Variants in CADM2 observed in about 807,000 individuals in gnomAD.
The protein encoded by CADM2 is cell adhesion molecule 2, also known as immunoglobulin superfamily member 4D.
Under a neutral mutation model 49.8 loss-of-function variants are expected in CADM2, and 12 were observed. The observed-to-expected ratio is 0.24, with a 90% CI of 0.15 to 0.39. The LOEUF (loss-of-function observed/expected upper bound fraction) is 0.39. Ranked by LOEUF, CADM2 falls within the 10% of genes least tolerant of loss-of-function variation. The pLI is 1.00. For synonymous variants in CADM2, 214 were observed against 175.4 expected, an observed-to-expected ratio of 1.22 and a Z score of -1.74; for missense variants, 378 against 492.3, an observed-to-expected ratio of 0.77 and a Z score of 2.20.
chr3:85,678,871 G>A (rs1042978345), intron 1 of CADM2, among the ~76,000 whole-genome samples: 15 of 152,078 alleles, frequency 9.9e-5, no homozygotes, highest in Non-Finnish European at 1.2e-4. Flanking sequence ...GGAGACATCT[G>A]AGGTGGGTGG....
intron 5 of CADM2, among the ~76,000 whole-genome samples, chr3:85,910,256 G>T (rs75180577): frequency 6.6e-6 from 1 of 152,018 alleles, no homozygotes; most frequent in South Asian, 2.1e-4. Context: ...TATAAAAATT[G>T]TTTGTCAAGA....
chr3:85,671,874 C>CTTATATA (rs2065746553), intron 1 of CADM2, among the ~76,000 whole-genome samples: 1 of 152,018 alleles, frequency 6.6e-6, no homozygotes. Context: ...TTTCATAGGC[C>CTTATATA]TTAACACTAA....
At chr3:85,777,197 T>G (rs2070398809) in intron 2 of CADM2, among the ~76,000 whole-genome samples, 1 of 151,644 alleles carries the variant, frequency 6.6e-6, no homozygotes, top group Admixed American at 6.6e-5. Context: ...CTCATGGTAT[T>G]CTAATATATC....
At chr3:85,260,233 A>G (rs1281623471) in intron 1 of CADM2, among the ~76,000 whole-genome samples, 1 of 152,046 alleles carries the variant, frequency 6.6e-6, no homozygotes, top group East Asian at 1.9e-4. Context: ...ATTAATTTGT[A>G]TATAATAATA....
intron 8 of CADM2, among the ~76,000 whole-genome samples, chr3:86,053,667 T>C (rs894471794): frequency 3.9e-5 from 6 of 152,106 alleles, no homozygotes; most frequent in African/African-American, 1.4e-4. Context: ...AATTCTCTTA[T>C]GCTGGTCTAA....
At chr3:85,531,800 C>A (rs2061317899) in intron 1 of CADM2, among the ~76,000 whole-genome samples, 1 of 152,148 alleles carries the variant, frequency 6.6e-6, no homozygotes, top group Non-Finnish European at 1.5e-5. Context: ...AATTGGCTTT[C>A]TTCATAAATC....
intron 3 of CADM2, among the ~76,000 whole-genome samples, chr3:85,874,745 C>T (rs1294968080): frequency 1.3e-5 from 2 of 151,972 alleles, no homozygotes; most frequent in East Asian, 3.9e-4. Flanking sequence ...ATGTGACAAA[C>T]ACCTAGGGAA....
At chr3:86,065,191 T>A (rs1345709291) in intron 8 of CADM2, among the ~76,000 whole-genome samples, 5 of 152,214 alleles carry the variant, frequency 3.3e-5, no homozygotes, top group Non-Finnish European at 7.3e-5. Flanking sequence ...TAATGATAAG[T>A]CTCAAATTAT....
chr3:85,591,114 G>T (rs543362212), intron 1 of CADM2, among the ~76,000 whole-genome samples: 1 of 152,022 alleles, frequency 6.6e-6, no homozygotes, highest in South Asian at 2.1e-4. Flanking sequence ...TCAACAATTT[G>T]TTGTGAGAAC....
At chr3:86,004,545 C>T (rs772419988) in intron 8 of CADM2, among the ~76,000 whole-genome samples, 4 of 152,164 alleles carry the variant, frequency 2.6e-5, no homozygotes, top group African/African-American at 4.8e-5. Flanking sequence ...ATGAATATTA[C>T]GCCTCATCAA....
intron 1 of CADM2, among the ~76,000 whole-genome samples, chr3:85,218,146 G>A (rs1379291501): frequency 6.6e-6 from 1 of 151,624 alleles, no homozygotes. Context: ...GTAAAATACA[G>A]AGTCTTTTTT....
intron 2 of CADM2, among the ~76,000 whole-genome samples, chr3:85,731,172 C>G (rs981952596): frequency 6.6e-6 from 1 of 152,106 alleles, no homozygotes; most frequent in Non-Finnish European, 1.5e-5. Flanking sequence ...GGCTACCCAT[C>G]ATATGAAAAA....
At chr3:85,942,748 G>A (rs1219544433) in intron 7 of CADM2, among the ~76,000 whole-genome samples, 1 of 151,776 alleles carries the variant, frequency 6.6e-6, no homozygotes, top group African/African-American at 2.4e-5. Context: ...TGGACATTTG[G>A]GTTGGTTCCA....
chr3:85,139,991 G>A (rs543810171), intron 1 of CADM2, among the ~76,000 whole-genome samples: 1 of 152,092 alleles, frequency 6.6e-6, no homozygotes, highest in African/African-American at 2.4e-5. Context: ...CAGATAACAC[G>A]TTCAGTTTCA....
intron 1 of CADM2, among the ~76,000 whole-genome samples, chr3:85,205,446 A>G (rs1203314491): frequency 1.3e-5 from 2 of 152,160 alleles, no homozygotes; most frequent in Non-Finnish European, 2.9e-5. Context: ...AAGTTTATGT[A>G]ATTCTTTTAG....
chr3:85,671,907 C>T (rs1577059445), intron 1 of CADM2, among the ~76,000 whole-genome samples: 1 of 152,038 alleles, frequency 6.6e-6, no homozygotes. Context: ...AAAATTATCT[C>T]ATATATTTAC....
intron 1 of CADM2, among the ~76,000 whole-genome samples, chr3:85,593,363 G>A (rs991226877): frequency 4.0e-5 from 6 of 151,860 alleles, no homozygotes; most frequent in South Asian, 2.1e-4. Context: ...TTTTACTTTT[G>A]AATACCATCT....
chr3:86,004,578 CG>C (rs1050502010), intron 8 of CADM2, among the ~76,000 whole-genome samples: 8 of 152,130 alleles, frequency 5.3e-5, no homozygotes, highest in African/African-American at 1.9e-4. Flanking sequence ...TAACATTTCC[CG>C]GGCTTTTAGT....
In CADM2 at chr3:86,070,206, A is replaced by G. The variant is rs1179238043; in HGVS notation, c.*3423A>G. 2 of 151,958 alleles carry G rather than the reference A, an allele frequency of 1.3e-5. No homozygotes were observed. Among genetic ancestry groups the G allele is most frequent in the Non-Finnish European group, 2.9e-5 (2 of 67,872 alleles). 9.4% of individuals were successfully genotyped at this position (151,958 alleles called of 1,614,324 possible). A position where few individuals can be genotyped will look rare whatever the true frequency, so the allele number is the denominator to read the frequency against. On this transcript the variant is annotated 3_prime_UTR_variant, in exon 10 of 10. Transcript: ENST00000383699. ...CTTTCCTAAATATGGCAAAGAAACTAACACCTCATTTATTTTTATTTCTTT... is the reference window on the plus strand; with the variant it reads ...CTTTCCTAAATATGGCAAAGAAACTGACACCTCATTTATTTTTATTTCTTT...
Sources: allele counts gnomAD v4.1 joint callset (sites outside exome capture counted in the v4.1 genomes callset), GRCh38; gene constraint gnomAD v4.1.1; transcripts MANE v1.5; gene names NCBI Gene and HGNC (gene_info 2026-07-23, HGNC 2026-07-21).